The following SAMD13 variants were observed in gnomAD, a reference collection of about 807,000 sequenced individuals.
SAMD13 encodes the protein sterile alpha motif domain-containing protein 13.
A neutral mutation model predicts 12.4 loss-of-function variants in SAMD13; 9 were observed. That is an observed-to-expected ratio of 0.72 (90% CI 0.44 to 1.26). The LOEUF is 1.26. SAMD13 is among the 50% of genes most tolerant of loss of function. SAMD13 has a pLI of 0.00. For missense variants in SAMD13, 84 were observed against 119.6 expected (o/e 0.70, Z 1.39); for synonymous variants, 46 against 45.4 (o/e 1.01, Z -0.05).
intron 2 of SAMD13, among the ~76,000 whole-genome samples, chr1:84,310,168 A>G (rs1678677830): frequency 6.6e-6 from 1 of 152,170 alleles, no homozygotes; most frequent in Non-Finnish European, 1.5e-5. Flanking sequence ...AACTCATTAT[A>G]TCACTTAAAC....
At chr1:84,302,358 T>G (rs2101783884) in intron 1 of SAMD13, among the ~76,000 whole-genome samples, 1 of 144,686 alleles carries the variant, frequency 6.9e-6, no homozygotes, top group African/African-American at 2.5e-5. Context: ...TTTTTTTTCT[T>G]AAAGCAGTTT....
intron 2 of SAMD13, 69 bp from the exon 3 acceptor site, chr1:84,325,568 C>A: frequency 1.1e-6 from 1 of 905,926 alleles, no homozygotes. Flanking sequence ...CCAGAAGACC[C>A]ATTTGTGAGC....
intron 3 of SAMD13, among the ~76,000 whole-genome samples, chr1:84,332,340 C>T (rs1400531975): frequency 6.6e-6 from 1 of 152,198 alleles, no homozygotes; most frequent in Non-Finnish European, 1.5e-5. Context: ...AACTAATTTA[C>T]ATTCCCACCA....
chr1:84,316,371 TTAATCCATCTTGAGTTGA>T (rs1217511213), intron 2 of SAMD13, among the ~76,000 whole-genome samples: 3 of 152,348 alleles, frequency 2.0e-5, no homozygotes, highest in African/African-American at 7.2e-5. Flanking sequence ...GTTTAAGTCT[TTAATCCATCTTGAGTTGA>T]TATTTTGTGT....
chr1:84,310,896 C>T (rs1043404375), intron 2 of SAMD13, among the ~76,000 whole-genome samples: 4 of 152,110 alleles, frequency 2.6e-5, no homozygotes, highest in African/African-American at 7.2e-5. Flanking sequence ...TATTGTATTG[C>T]ACTCTGAAAA....
chr1:84,343,689 C>T (rs1255256204), intron 3 of SAMD13, among the ~76,000 whole-genome samples: 1 of 152,098 alleles, frequency 6.6e-6, no homozygotes, highest in Non-Finnish European at 1.5e-5. Flanking sequence ...GAACAACACA[C>T]ACTGGGGCCT....
upstream of SAMD13, among the ~76,000 whole-genome samples, chr1:84,301,410 T>G (rs1276578969): frequency 1.3e-5 from 2 of 152,214 alleles, no homozygotes; most frequent in East Asian, 3.8e-4. Flanking sequence ...AGCTAAGACC[T>G]ATCATGCAGC....
chr1:84,349,918 T>A lies in SAMD13; in HGVS notation c.*144T>A, dbSNP rs1679612557. On this transcript the variant is annotated 3_prime_UTR_variant, in exon 4 of 4. Transcript: ENST00000394834. ...TGAAACGTTATCCTATTGGATAGAC[T>A]AGGCAATTCATCAGCTCACCTGAAA... 1 of 1,362,758 alleles carries A rather than the reference T, an allele frequency of 7.3e-7. No homozygotes were observed. The highest frequency in any genetic ancestry group is 3.1e-5 in the Admixed American group (1 of 32,442). The allele number at this position is 1,362,758 out of a possible 1,614,324, so 84.4% of individuals were successfully genotyped here.
In SAMD13 at chr1:84,346,288, C is replaced by T. The variant is rs1431271797; in HGVS notation, c.166-3343C>T. On this transcript the variant is annotated intron_variant, in intron 3 of 3. Transcript: ENST00000394834. ...ATTTTTAAATCTAGATTCTTGCCCT[C>T]ATTGGAAATTTAAACCTATCATCTC... Among the ~76,000 whole-genome samples, 3 of 152,304 alleles carry T rather than the reference C, an allele frequency of 2.0e-5. No homozygotes were observed. In the South Asian group the frequency reaches 6.2e-4, roughly 32 times the overall value.
At chr1:84,336,131 C>G (rs1679283225) in intron 3 of SAMD13, among the ~76,000 whole-genome samples, 1 of 152,188 alleles carries the variant, frequency 6.6e-6, no homozygotes, top group African/African-American at 2.4e-5. Flanking sequence ...ACAATATCCT[C>G]AAATGTATTT....
At chr1:84,298,607 C>T (rs1180895131), upstream of SAMD13, 8 of 1,277,926 alleles carry the variant, frequency 6.3e-6, no homozygotes, top group South Asian at 3.7e-5. Flanking sequence ...TGGGAAGGCG[C>T]CCGCCCTCTC....
intron 3 of SAMD13, among the ~76,000 whole-genome samples, chr1:84,326,203 A>C (rs1679057402): frequency 6.6e-6 from 1 of 152,168 alleles, no homozygotes; most frequent in South Asian, 2.1e-4. Flanking sequence ...TTAGCAAGGT[A>C]GAGTGGAAAA....
intron 2 of SAMD13, among the ~76,000 whole-genome samples, chr1:84,322,649 TG>T (rs1223408787): frequency 6.6e-6 from 1 of 152,136 alleles, no homozygotes; most frequent in African/African-American, 2.4e-5. Context: ...ATTTTGGCTT[TG>T]GGGGGATATC....
intron 2 of SAMD13, among the ~76,000 whole-genome samples, chr1:84,314,594 C>G (rs1442092352): frequency 6.6e-6 from 1 of 152,078 alleles, no homozygotes; most frequent in African/African-American, 2.4e-5. Flanking sequence ...CCCACAGCCT[C>G]ACTGCCCTCA....
At position 84,302,784 on chromosome 1, in the gene SAMD13, A is replaced by G. The variant is rs912102732; in HGVS notation, c.-32-419A>G. 1.1e-5 allele frequency: 7 copies of G among 635,808 alleles called. No individual in the cohort carries two copies. In the South Asian group the frequency reaches 3.5e-4, roughly 32 times the overall value. 39.4% of individuals were successfully genotyped at this position (635,808 alleles called of 1,614,324 possible). ...AGGGGGAGTGGACAAAAAAAAAACC[A>G]AACACAATAAGAAAAAACAAATCAA... On this transcript the variant is annotated intron_variant, in intron 1 of 3. Coordinates refer to ENST00000394834, the MANE Select transcript of SAMD13 (RefSeq NM_001134663.2).
chr1:84,343,028 CA>C (rs1471858221), intron 3 of SAMD13, among the ~76,000 whole-genome samples: 6 of 152,148 alleles, frequency 3.9e-5, no homozygotes, highest in Admixed American at 2.6e-4. Flanking sequence ...CAAACAACCC[CA>C]TTAAAAACTG....
intron 2 of SAMD13, among the ~76,000 whole-genome samples, chr1:84,321,321 G>C (rs1380266005): frequency 6.6e-6 from 1 of 151,944 alleles, no homozygotes; most frequent in South Asian, 2.1e-4. Context: ...ATTTGATTAA[G>C]TGCTGAGATT....
upstream of SAMD13, chr1:84,299,519 C>A: frequency 8.8e-7 from 1 of 1,142,644 alleles, no homozygotes; most frequent in Non-Finnish European, 1.2e-6. Context: ...CACATACGTA[C>A]CACACCCACA....
chr1:84,327,219 G>A (rs556177585), intron 3 of SAMD13, among the ~76,000 whole-genome samples: 19 of 152,214 alleles, frequency 1.2e-4, no homozygotes, highest in Admixed American at 5.2e-4. Context: ...TACACAAACC[G>A]TGATATATTC....
Sources: gnomAD v4.1 joint callset for allele counts (sites outside exome capture counted in the v4.1 genomes callset) on GRCh38, gnomAD v4.1.1 for gene constraint, MANE v1.5 for transcripts, NCBI Gene and HGNC (gene_info 2026-07-23, HGNC 2026-07-21) for gene names.